Variants in CSMD3 observed in about 807,000 individuals in gnomAD.
CSMD3 encodes CUB and Sushi multiple domains 3, also known as CUB and sushi domain-containing protein 3.
CSMD3 carries 177 observed loss-of-function variants against 435.2 expected under a neutral mutation model. The ratio of observed to expected loss-of-function variants is 0.41; its 90% CI spans 0.36 to 0.46. The LOEUF (loss-of-function observed/expected upper bound fraction) is 0.46. Among genes scored for constraint, CSMD3 ranks in the 20% least tolerant of loss-of-function variants. CSMD3 has a pLI of 0.34. For synonymous variants in CSMD3, 1,656 were observed against 1,520.5 expected (o/e 1.09, Z -2.07); for missense variants, 4,265 against 4,504.6 (o/e 0.95, Z 1.52).
chr8:113,114,462 G>A (rs2090762473), intron 4 of CSMD3, among the ~76,000 whole-genome samples: 1 of 152,112 alleles, frequency 6.6e-6, no homozygotes, highest in African/African-American at 2.4e-5. Context: ...AGTATGTGTT[G>A]GCTTCATTTG....
intron 1 of CSMD3, among the ~76,000 whole-genome samples, chr8:113,372,819 A>G (rs2094354769): frequency 6.6e-6 from 1 of 151,942 alleles, no homozygotes; most frequent in Non-Finnish European, 1.5e-5. Flanking sequence ...CTGTAGTCCC[A>G]GCTACTCGGG....
chr8:112,704,730 T>G (rs2076462228), intron 13 of CSMD3, among the ~76,000 whole-genome samples: 2 of 152,156 alleles, frequency 1.3e-5, no homozygotes, highest in Admixed American at 1.3e-4. Flanking sequence ...GACTAATTGT[T>G]CTCTAGCTTA....
At chr8:113,131,864 C>T (rs1167989163) in intron 4 of CSMD3, among the ~76,000 whole-genome samples, 2 of 152,216 alleles carry the variant, frequency 1.3e-5, no homozygotes, top group African/African-American at 2.4e-5. Context: ...GATTTGGGAG[C>T]CAACCCCTTG....
At chr8:113,294,885 A>G (rs2093708914) in intron 2 of CSMD3, among the ~76,000 whole-genome samples, 1 of 152,144 alleles carries the variant, frequency 6.6e-6, no homozygotes. Flanking sequence ...AGAAGCCAAG[A>G]TTTCAAGAGT....
chr8:112,543,833 T>C (rs551604159), intron 27 of CSMD3, among the ~76,000 whole-genome samples: 1 of 152,290 alleles, frequency 6.6e-6, no homozygotes, highest in Non-Finnish European at 1.5e-5. Context: ...ACAACTTAAT[T>C]GTCTAATGAC....
intron 13 of CSMD3, among the ~76,000 whole-genome samples, chr8:112,738,379 C>A (rs192003053): frequency 1.0e-3 from 152 of 151,654 alleles, no homozygotes; most frequent in African/African-American, 3.5e-3. Flanking sequence ...CATAACAAAA[C>A]AAAATCAGAT....
chr8:112,597,269 G>C (rs1352885218), intron 22 of CSMD3, among the ~76,000 whole-genome samples: 1 of 152,138 alleles, frequency 6.6e-6, no homozygotes, highest in Non-Finnish European at 1.5e-5. Flanking sequence ...AAATCTAGAA[G>C]AAATGGATAA....
At chr8:112,713,006 C>G (rs116364155) in intron 13 of CSMD3, among the ~76,000 whole-genome samples, 5 of 152,136 alleles carry the variant, frequency 3.3e-5, no homozygotes, top group Admixed American at 2.0e-4. Context: ...CAAAAAGAAC[C>G]AAAACAGTAT....
At chr8:113,222,550 G>T (rs753521161) in intron 3 of CSMD3, among the ~76,000 whole-genome samples, 4 of 150,892 alleles carry the variant, frequency 2.7e-5, no homozygotes, top group Non-Finnish European at 4.5e-5. Context: ...AGAATTTTAC[G>T]AGGAGAAATA....
chr8:113,024,542 A>G lies in CSMD3; in HGVS notation c.918-5363T>C, dbSNP rs543577428. Among the ~76,000 whole-genome samples, 5 of 152,244 alleles carry G rather than the reference A, an allele frequency of 3.3e-5. No individual in the cohort carries two copies. The South Asian group carries it at 1.0e-3, about 32-fold the overall frequency. ...TTGAGGAACATACATACTATTTTTAATAATGGTTTTACTAATATATATTCT... is the reference window on the plus strand; with the variant it reads ...TTGAGGAACATACATACTATTTTTAGTAATGGTTTTACTAATATATATTCT... On this transcript the variant is annotated intron_variant, in intron 5 of 70. Coordinates refer to ENST00000297405, the MANE Select transcript of CSMD3 (RefSeq NM_198123.2).
At chr8:113,166,005 A>T (rs1457228589) in intron 4 of CSMD3, among the ~76,000 whole-genome samples, 1 of 152,146 alleles carries the variant, frequency 6.6e-6, no homozygotes, top group African/African-American at 2.4e-5. Flanking sequence ...TAAGGCCAAC[A>T]CATATTGTTT....
chr8:112,561,071 T>C (rs74791647), intron 24 of CSMD3, among the ~76,000 whole-genome samples: 2,105 of 151,748 alleles, frequency 0.014, 48 homozygotes, highest in African/African-American at 0.049. Context: ...TAGCTGAAAA[T>C]GCACATGGAC....
chr8:112,989,047 G>A (rs754726427), intron 6 of CSMD3, among the ~76,000 whole-genome samples: 3 of 151,898 alleles, frequency 2.0e-5, no homozygotes, highest in Non-Finnish European at 4.4e-5. Context: ...AGAATTTGTC[G>A]AGTGCTTAGT....
At chr8:113,194,375 T>C (rs2092626970) in intron 3 of CSMD3, among the ~76,000 whole-genome samples, 1 of 151,014 alleles carries the variant, frequency 6.6e-6, no homozygotes, top group Non-Finnish European at 1.5e-5. Context: ...AACAAACAAA[T>C]AAGTGAAGTT....
intron 12 of CSMD3, among the ~76,000 whole-genome samples, chr8:112,828,727 G>C (rs2132472155): frequency 6.6e-6 from 1 of 152,222 alleles, no homozygotes; most frequent in African/African-American, 2.4e-5. Flanking sequence ...CACACCTTAG[G>C]AAACACAAAA....
At chr8:112,758,579 C>T (rs555792565) in intron 13 of CSMD3, among the ~76,000 whole-genome samples, 11 of 152,082 alleles carry the variant, frequency 7.2e-5, no homozygotes, top group Non-Finnish European at 1.6e-4. Context: ...AATAGAGAAA[C>T]TGACCAGGTG....
chr8:113,387,875 T>C (rs927070130), intron 1 of CSMD3, among the ~76,000 whole-genome samples: 3 of 151,690 alleles, frequency 2.0e-5, no homozygotes, highest in African/African-American at 7.2e-5. Flanking sequence ...TCTCATGTTA[T>C]CCCCACATCT....
intron 38 of CSMD3, among the ~76,000 whole-genome samples, chr8:112,356,544 T>C (rs1826623793): frequency 6.6e-6 from 1 of 151,862 alleles, no homozygotes; most frequent in Admixed American, 6.6e-5. Context: ...GTTGAAAATC[T>C]ATGAGTACTG....
At chr8:112,899,370 T>G (rs1477710755) in intron 10 of CSMD3, among the ~76,000 whole-genome samples, 2 of 150,588 alleles carry the variant, frequency 1.3e-5, no homozygotes, top group Non-Finnish European at 3.0e-5. Flanking sequence ...CTATATCTTT[T>G]GAAAAAATAA....
Sources: gnomAD v4.1 joint callset for allele counts (sites outside exome capture counted in the v4.1 genomes callset) on GRCh38, gnomAD v4.1.1 for gene constraint, MANE v1.5 for transcripts, NCBI Gene and HGNC (gene_info 2026-07-23, HGNC 2026-07-21) for gene names.